TMTC1: variants seen among roughly 807,000 people sequenced by gnomAD.
TMTC1 encodes transmembrane O-mannosyltransferase targeting cadherins 1, also known as protein O-mannosyl-transferase TMTC1.
In TMTC1, 73 loss-of-function variants were observed where a neutral mutation model predicts 104.8. The ratio of observed to expected loss-of-function variants is 0.70; its 90% CI spans 0.58 to 0.85. The LOEUF (loss-of-function observed/expected upper bound fraction) is 0.85, where lower values mean the gene tolerates loss of function less well. TMTC1 is among the 40% of genes least tolerant of loss of function. TMTC1 has a pLI of 0.00. For missense variants in TMTC1, 1,035 were observed against 1,096.1 expected, an observed-to-expected ratio of 0.94 and a Z score of 0.79; for synonymous variants, 434 against 428.7, an observed-to-expected ratio of 1.01 and a Z score of -0.15.
At chr12:29,734,570 G>T (rs990625991) in intron 5 of TMTC1, among the ~76,000 whole-genome samples, 2 of 152,132 alleles carry the variant, frequency 1.3e-5, no homozygotes, top group Admixed American at 1.3e-4. Flanking sequence ...CCTATATATA[G>T]ACACAGATAG....
At chr12:29,730,234 T>C (rs531700204) in intron 5 of TMTC1, among the ~76,000 whole-genome samples, 1 of 152,338 alleles carries the variant, frequency 6.6e-6, no homozygotes, top group South Asian at 2.1e-4. Context: ...GTGGCTTTTC[T>C]GACAGATCAA....
intron 5 of TMTC1, among the ~76,000 whole-genome samples, chr12:29,708,436 T>G (rs1366068564): frequency 6.6e-6 from 1 of 152,142 alleles, no homozygotes; most frequent in Admixed American, 6.5e-5. Flanking sequence ...TTTGTCGAAG[T>G]CACTTCAGAG....
At chr12:29,668,086 T>C (rs1565754017) in intron 5 of TMTC1, among the ~76,000 whole-genome samples, 1 of 152,258 alleles carries the variant, frequency 6.6e-6, no homozygotes, top group South Asian at 2.1e-4. Flanking sequence ...CAGATCATTG[T>C]TAAACTGCAT....
chr12:29,583,673 C>T, intron 7 of TMTC1, 99 bp from the exon 8 acceptor site: 6 of 1,162,786 alleles, frequency 5.2e-6, no homozygotes, highest in Non-Finnish European at 7.2e-6. Flanking sequence ...GAAGCTTGTC[C>T]TGTGCTAGAG....
chr12:29,760,155 T>A (rs905668658), intron 2 of TMTC1, among the ~76,000 whole-genome samples: 1 of 152,238 alleles, frequency 6.6e-6, no homozygotes, highest in African/African-American at 2.4e-5. Context: ...CTATGATGTT[T>A]GCACAATGAC....
At chr12:29,673,626 TA>T (rs1591905686) in intron 5 of TMTC1, among the ~76,000 whole-genome samples, 1 of 151,546 alleles carries the variant, frequency 6.6e-6, no homozygotes, top group Admixed American at 6.6e-5. Flanking sequence ...TAATTATATT[TA>T]TTTATATTTT....
intron 5 of TMTC1, among the ~76,000 whole-genome samples, chr12:29,679,189 A>G (rs777388260): frequency 3.7e-4 from 56 of 152,186 alleles, no homozygotes; most frequent in Non-Finnish European, 6.8e-4. Flanking sequence ...AAAAGAATAC[A>G]TGACAAAGCA....
chr12:29,672,505 C>T (rs1940556368), intron 5 of TMTC1, among the ~76,000 whole-genome samples: 1 of 152,160 alleles, frequency 6.6e-6, no homozygotes, highest in Non-Finnish European at 1.5e-5. Context: ...CACCTTTATA[C>T]TGGAACATAG....
chr12:29,773,416 T>A (rs529940378), intron 1 of TMTC1, among the ~76,000 whole-genome samples: 32 of 47,282 alleles, frequency 6.8e-4, no homozygotes, highest in African/African-American at 1.2e-3. Context: ...AGCTCTGATT[T>A]AGGAAAAACA....
At chr12:29,566,676 T>A (rs937524467) in intron 9 of TMTC1, among the ~76,000 whole-genome samples, 4 of 152,144 alleles carry the variant, frequency 2.6e-5, no homozygotes, top group African/African-American at 7.2e-5. Flanking sequence ...AGGGAGGTGG[T>A]CAGATTCTGT....
At chr12:29,562,736 G>A (rs1945408969) in intron 9 of TMTC1, among the ~76,000 whole-genome samples, 1 of 152,176 alleles carries the variant, frequency 6.6e-6, no homozygotes, top group South Asian at 2.1e-4. Flanking sequence ...GACCTTCTCT[G>A]TGAATAAATG....
chr12:29,565,680 C>T (rs993955077), intron 9 of TMTC1, among the ~76,000 whole-genome samples: 1 of 152,162 alleles, frequency 6.6e-6, no homozygotes, highest in Non-Finnish European at 1.5e-5. Flanking sequence ...AACCCCGCCT[C>T]TACTAAAAAT....
At chr12:29,627,053 A>G (rs992400365) in intron 6 of TMTC1, among the ~76,000 whole-genome samples, 7 of 152,152 alleles carry the variant, frequency 4.6e-5, no homozygotes, top group Non-Finnish European at 8.8e-5. Flanking sequence ...GTGAGCCGAG[A>G]TTGCGCCATT....
intron 7 of TMTC1, among the ~76,000 whole-genome samples, chr12:29,592,199 C>T (rs1946300346): frequency 6.6e-6 from 1 of 152,112 alleles, no homozygotes. Context: ...TTAAAGAATT[C>T]CCAATTTTAG....
chr12:29,776,311 T>C (rs1425608373), intron 1 of TMTC1, among the ~76,000 whole-genome samples: 1 of 152,192 alleles, frequency 6.6e-6, no homozygotes, highest in East Asian at 1.9e-4. Flanking sequence ...CAAGTTCCAA[T>C]AGAAATTCAA....
chr12:29,545,880 C>T (rs1193697646), intron 10 of TMTC1, among the ~76,000 whole-genome samples: 1 of 152,030 alleles, frequency 6.6e-6, no homozygotes, highest in Non-Finnish European at 1.5e-5. Context: ...GTAATAGGGC[C>T]TATGTTGAGG....
chr12:29,596,012 A>ATT (rs553499127), intron 7 of TMTC1, among the ~76,000 whole-genome samples: 10 of 146,504 alleles, frequency 6.8e-5, no homozygotes, highest in African/African-American at 2.5e-4. Flanking sequence ...GTTGTTGTTC[A>ATT]TTTTTTTTTT....
At chr12:29,627,987 T>C (rs1011379544) in intron 6 of TMTC1, among the ~76,000 whole-genome samples, 10 of 152,226 alleles carry the variant, frequency 6.6e-5, no homozygotes, top group Non-Finnish European at 1.5e-4. Flanking sequence ...GAGAGAATCA[T>C]GTGCAGACCT....
intron 5 of TMTC1, among the ~76,000 whole-genome samples, chr12:29,704,417 T>C (rs1941684436): frequency 6.6e-6 from 1 of 152,188 alleles, no homozygotes; most frequent in African/African-American, 2.4e-5. Context: ...GGAATGCATC[T>C]TGGGGGCATA....
Sources: gnomAD v4.1 joint callset for allele counts (sites outside exome capture counted in the v4.1 genomes callset) on GRCh38, gnomAD v4.1.1 for gene constraint, MANE v1.5 for transcripts, NCBI Gene and HGNC (gene_info 2026-07-23, HGNC 2026-07-21) for gene names.